Variants in IGF2BP3 observed in about 807,000 individuals in gnomAD.
The protein encoded by IGF2BP3 is insulin-like growth factor 2 mRNA-binding protein 3.
A neutral mutation model predicts 73.8 loss-of-function variants in IGF2BP3; 9 were observed. The ratio of observed to expected loss-of-function variants is 0.12; its 90% confidence interval spans 0.07 to 0.21. The LOEUF is 0.21. Ranked by LOEUF, IGF2BP3 falls within the 10% of genes least tolerant of loss-of-function variation. The pLI is 1.00. For synonymous variants in IGF2BP3, 258 were observed against 256.7 expected, an observed-to-expected ratio of 1.01 and a Z score of -0.05; for missense variants, 542 against 714.0, an observed-to-expected ratio of 0.76 and a Z score of 2.75.
At chr7:23,433,639 T>C (rs1354565426) in intron 2 of IGF2BP3, among the ~76,000 whole-genome samples, 2 of 152,090 alleles carry the variant, frequency 1.3e-5, no homozygotes, top group African/African-American at 4.8e-5. Flanking sequence ...ATCACCACAC[T>C]GGGCCTTTGT....
chr7:23,429,996 A>G (rs565734036), intron 2 of IGF2BP3, among the ~76,000 whole-genome samples: 6 of 152,292 alleles, frequency 3.9e-5, no homozygotes, highest in East Asian at 3.9e-4. Flanking sequence ...TCCCTGCTTT[A>G]TAAGACAGAT....
chr7:23,466,452 G>A (rs1246587494), intron 2 of IGF2BP3, among the ~76,000 whole-genome samples: 1 of 152,188 alleles, frequency 6.6e-6, no homozygotes, highest in Non-Finnish European at 1.5e-5. Context: ...TTAAAATCCT[G>A]AGCATTTTAA....
chr7:23,421,951 G>GT (rs796326022), intron 2 of IGF2BP3, among the ~76,000 whole-genome samples: 49 of 151,774 alleles, frequency 3.2e-4, no homozygotes, highest in African/African-American at 1.0e-3. Flanking sequence ...CATCCAGCTA[G>GT]TTTTTTTATA....
At chr7:23,369,205 C>A (rs79416626) in intron 3 of IGF2BP3, among the ~76,000 whole-genome samples, 54 of 152,200 alleles carry the variant, frequency 3.5e-4, no homozygotes, top group Admixed American at 6.5e-4. Flanking sequence ...TCCAGATGAA[C>A]CACGCATGCA....
chr7:23,407,164 C>A, intron 3 of IGF2BP3, among the ~76,000 whole-genome samples: 1 of 145,978 alleles, frequency 6.9e-6, no homozygotes, highest in Non-Finnish European at 1.5e-5. Flanking sequence ...GCAACTTGTC[C>A]ATGATGATGT....
At chr7:23,380,921 G>A (rs932597892) in intron 3 of IGF2BP3, among the ~76,000 whole-genome samples, 4 of 152,186 alleles carry the variant, frequency 2.6e-5, no homozygotes, top group African/African-American at 9.7e-5. Context: ...CCCAGTTTGT[G>A]GAAATTAGTT....
At chr7:23,371,449 A>G (rs558609167) in intron 3 of IGF2BP3, among the ~76,000 whole-genome samples, 1 of 152,356 alleles carries the variant, frequency 6.6e-6, no homozygotes, top group South Asian at 2.1e-4. Flanking sequence ...AATGAAGAAC[A>G]ATCTGTATTG....
At chr7:23,414,529 G>A (rs985722992) in intron 3 of IGF2BP3, 3 of 152,216 alleles carry the variant, frequency 2.0e-5, no homozygotes, top group African/African-American at 7.2e-5. Flanking sequence ...TGGGGCAGGA[G>A]ATTGTCTTAC....
At chr7:23,327,081 AATT>A (rs1425216877) in intron 10 of IGF2BP3, among the ~76,000 whole-genome samples, 1 of 151,908 alleles carries the variant, frequency 6.6e-6, no homozygotes, top group Admixed American at 6.6e-5. Context: ...TAAATTAATT[AATT>A]AATTAATTAA....
At chr7:23,358,694 TCTC>T (rs1194301715) in intron 5 of IGF2BP3, among the ~76,000 whole-genome samples, 1 of 152,190 alleles carries the variant, frequency 6.6e-6, no homozygotes, top group Non-Finnish European at 1.5e-5. Context: ...TAAAATTAAT[TCTC>T]CTCACAGAAT....
chr7:23,341,012 C>A (rs1042512030), intron 10 of IGF2BP3, among the ~76,000 whole-genome samples: 1 of 151,856 alleles, frequency 6.6e-6, no homozygotes, highest in African/African-American at 2.4e-5. Context: ...ACCACTCCGG[C>A]TAATTTTTTG....
At chr7:23,369,342 T>C (rs1424763156) in intron 3 of IGF2BP3, among the ~76,000 whole-genome samples, 2 of 152,140 alleles carry the variant, frequency 1.3e-5, no homozygotes, top group South Asian at 4.1e-4. Flanking sequence ...TCCAGTCAGA[T>C]CACACCTCCT....
chr7:23,344,258 T>A (rs965034280), intron 8 of IGF2BP3, among the ~76,000 whole-genome samples: 1 of 152,206 alleles, frequency 6.6e-6, no homozygotes, highest in Non-Finnish European at 1.5e-5. Flanking sequence ...ATGTTCCTAG[T>A]CTGTATTAAC....
At position 23,370,695 on chromosome 7, in the gene IGF2BP3, T is replaced by A. The variant is rs865998536; in HGVS notation, c.286-8954A>T. Among the ~76,000 whole-genome samples the A allele has an allele frequency of 5.9e-5, 9 of 152,000 alleles. No individual in the cohort carries two copies. The South Asian group carries it at 1.0e-3, about 18-fold the overall frequency. ...TTTTGGTTTTTTTGTTTTTTTTTTT[T>A]AAGACAGAGTCTTGCTCTGTCACCC... On this transcript the variant is annotated intron_variant, in intron 3 of 14. Transcript: ENST00000258729.
At chr7:23,406,479 T>C (rs1786835150) in intron 3 of IGF2BP3, among the ~76,000 whole-genome samples, 1 of 152,184 alleles carries the variant, frequency 6.6e-6, no homozygotes, top group Non-Finnish European at 1.5e-5. Flanking sequence ...CCTTCAGATG[T>C]TCAGATGTGT....
At chr7:23,364,010 G>T (rs755024058) in intron 3 of IGF2BP3, among the ~76,000 whole-genome samples, 1 of 152,060 alleles carries the variant, frequency 6.6e-6, no homozygotes, top group Non-Finnish European at 1.5e-5. Flanking sequence ...AAGCCATGGC[G>T]GGTGTATCAC....
At position 23,311,765 on chromosome 7, in the gene IGF2BP3, A is replaced by G. The variant is rs995491757; in HGVS notation, c.*597T>C. ...ATAAAATTTTCAAAAAAAAGGAACAATTTTGCTTTTCATTGTATTACTGAA... is the reference window on the plus strand; with the variant it reads ...ATAAAATTTTCAAAAAAAAGGAACAGTTTTGCTTTTCATTGTATTACTGAA... On this transcript the variant is annotated 3_prime_UTR_variant, in exon 15 of 15. Transcript: ENST00000258729. 1 of 152,578 alleles carries G rather than the reference A, an allele frequency of 6.6e-6. No individual in the cohort carries two copies. The highest frequency in any genetic ancestry group is 1.5e-5 in the Non-Finnish European group (1 of 68,032). 9.5% of individuals were successfully genotyped at this position (152,578 alleles called of 1,614,324 possible).
chr7:23,312,130 T>TG lies in IGF2BP3; in HGVS notation c.*231_*232insC, dbSNP rs1783848215. The TG allele has an allele frequency of 9.1e-6, 4 of 439,546 alleles. No individual in the cohort carries two copies. The highest frequency in any genetic ancestry group is 8.4e-5 in the African/African-American group (4 of 47,656). The allele number at this position is 439,546 out of a possible 1,614,324, so 27.2% of individuals were successfully genotyped here. A position where few individuals can be genotyped will look rare whatever the true frequency, so the allele number is the denominator to read the frequency against. ...CTCTTTCCCTCCCTCCCCCACCCTTTTTTTGTTTGTTTGTTTGTTTGTTTT... is the reference window on the plus strand; with the variant it reads ...CTCTTTCCCTCCCTCCCCCACCCTTTGTTTTGTTTGTTTGTTTGTTTGTTTT... On this transcript the variant is annotated 3_prime_UTR_variant, in exon 15 of 15. Transcript: ENST00000258729.
At chr7:23,400,093 C>G (rs187355274) in intron 3 of IGF2BP3, among the ~76,000 whole-genome samples, 4 of 152,304 alleles carry the variant, frequency 2.6e-5, no homozygotes, top group Admixed American at 2.0e-4. Flanking sequence ...AAGAGGCACA[C>G]AGGAGCTGAG....
Sources: allele counts gnomAD v4.1 joint callset (sites outside exome capture counted in the v4.1 genomes callset), GRCh38; gene constraint gnomAD v4.1.1; transcripts MANE v1.5; gene names NCBI Gene and HGNC (gene_info 2026-07-23, HGNC 2026-07-21).